Variants in MARCHF1 observed in about 807,000 individuals in gnomAD.
The protein encoded by MARCHF1 is membrane associated ring-CH-type finger 1.
A neutral mutation model predicts 54.2 loss-of-function variants in MARCHF1; 40 were observed. The ratio of observed to expected loss-of-function variants is 0.74; its 90% CI spans 0.57 to 0.96. The LOEUF is 0.96. Among genes scored for constraint, MARCHF1 ranks in the 40% least tolerant of loss-of-function variants. The probability of loss-of-function intolerance (pLI) is 0.00; values close to 1 mark genes in which losing one functional copy is unlikely to be tolerated. For missense variants in MARCHF1, 586 were observed against 656.5 expected (o/e 0.89, Z 1.17); for synonymous variants, 236 against 236.3 (o/e 1.00, Z 0.01).
At chr4:164,347,377 T>A (rs1358029541) in intron 1 of MARCHF1, among the ~76,000 whole-genome samples, 1 of 152,184 alleles carries the variant, frequency 6.6e-6, no homozygotes, top group Non-Finnish European at 1.5e-5. Context: ...AATTCTTTTC[T>A]TTGCCAGAAA....
intron 1 of MARCHF1, among the ~76,000 whole-genome samples, chr4:164,146,530 G>C (rs1000910173): frequency 4.2e-4 from 64 of 152,182 alleles, no homozygotes; most frequent in African/African-American, 8.2e-4. Flanking sequence ...ATATCTACAA[G>C]TATCTGATCT....
chr4:163,605,370 C>A (rs915146982), intron 7 of MARCHF1, among the ~76,000 whole-genome samples: 1 of 152,138 alleles, frequency 6.6e-6, no homozygotes, highest in Non-Finnish European at 1.5e-5. Context: ...CATCTCACAC[C>A]AGTTAGAATG....
At chr4:164,150,013 C>A (rs951482612) in intron 1 of MARCHF1, among the ~76,000 whole-genome samples, 1 of 152,086 alleles carries the variant, frequency 6.6e-6, no homozygotes, top group African/African-American at 2.4e-5. Context: ...CTGAGTGTTT[C>A]TATTTAGACA....
intron 5 of MARCHF1, among the ~76,000 whole-genome samples, chr4:163,651,024 A>T (rs1742944416): frequency 6.6e-6 from 1 of 151,994 alleles, no homozygotes. Flanking sequence ...AAAGCCACAC[A>T]GAAAACAGTA....
intron 1 of MARCHF1, among the ~76,000 whole-genome samples, chr4:164,130,457 C>A (rs897983893): frequency 1.3e-5 from 2 of 152,078 alleles, no homozygotes; most frequent in African/African-American, 4.8e-5. Context: ...CTAACAATTT[C>A]ATTTCATTTT....
chr4:164,081,340 G>C (rs1399003666), intron 2 of MARCHF1, among the ~76,000 whole-genome samples: 2 of 150,368 alleles, frequency 1.3e-5, no homozygotes, highest in Non-Finnish European at 3.0e-5. Context: ...TTGTTCATTG[G>C]TTCTATTTCA....
At chr4:164,241,348 C>T (rs1446963585) in intron 1 of MARCHF1, among the ~76,000 whole-genome samples, 2 of 152,202 alleles carry the variant, frequency 1.3e-5, no homozygotes, top group Admixed American at 1.3e-4. Flanking sequence ...GATAATTAAG[C>T]TCTTTCTTTG....
In MARCHF1 at chr4:164,254,803, C is replaced by T. The variant is rs1169909076; in HGVS notation, c.-323+129067G>A. Among the ~76,000 whole-genome samples the T allele has an allele frequency of 2.6e-5, 4 of 152,186 alleles. No homozygotes were observed. The East Asian group carries it at 7.7e-4, about 29-fold the overall frequency. On this transcript the variant is annotated intron_variant, in intron 1 of 9. Transcript: ENST00000514618. ...CTGCCTGCTTTATATTCGCTGGAAG[C>T]TGATTAGGTTGTGCCCACCAGATTA...
intron 5 of MARCHF1, among the ~76,000 whole-genome samples, chr4:163,647,058 G>A (rs1287418847): frequency 6.6e-6 from 1 of 152,074 alleles, no homozygotes; most frequent in African/African-American, 2.4e-5. Context: ...AAAGTGAAGG[G>A]ATGGGAAAAG....
At chr4:164,084,894 G>A (rs1338405142) in intron 2 of MARCHF1, among the ~76,000 whole-genome samples, 1 of 151,592 alleles carries the variant, frequency 6.6e-6, no homozygotes. Flanking sequence ...TGTGTAAGTG[G>A]AAAAGCTGAT....
chr4:164,103,960 A>T (rs1242126461), intron 2 of MARCHF1, among the ~76,000 whole-genome samples: 1 of 150,790 alleles, frequency 6.6e-6, no homozygotes, highest in Admixed American at 6.6e-5. Context: ...AGAAATACAA[A>T]CTACCATCAG....
intron 1 of MARCHF1, among the ~76,000 whole-genome samples, chr4:164,214,656 G>T (rs895008442): frequency 6.6e-6 from 1 of 152,180 alleles, no homozygotes; most frequent in Non-Finnish European, 1.5e-5. Flanking sequence ...TCACAAATTG[G>T]TGGATTTTTA....
intron 2 of MARCHF1, among the ~76,000 whole-genome samples, chr4:164,080,252 A>T (rs1401273641): frequency 2.0e-5 from 3 of 152,230 alleles, no homozygotes; most frequent in Non-Finnish European, 4.4e-5. Context: ...CTATGAATTG[A>T]CTACAGTCTT....
intron 4 of MARCHF1, among the ~76,000 whole-genome samples, chr4:163,823,888 GT>G (rs1253075226): frequency 2.1e-5 from 3 of 143,444 alleles, no homozygotes; most frequent in Non-Finnish European, 4.7e-5. Flanking sequence ...TTATGTTAAA[GT>G]TTCAATAATA....
intron 4 of MARCHF1, among the ~76,000 whole-genome samples, chr4:163,721,877 C>T (rs537020075): frequency 6.6e-6 from 1 of 152,190 alleles, no homozygotes; most frequent in South Asian, 2.1e-4. Context: ...GTGGTGACAT[C>T]CCTTTTATCA....
intron 2 of MARCHF1, among the ~76,000 whole-genome samples, chr4:164,081,225 A>G (rs1304070185): frequency 1.4e-5 from 2 of 146,800 alleles, no homozygotes; most frequent in East Asian, 3.9e-4. Context: ...AAAAAAAAAA[A>G]AAAAAAAAAA....
intron 1 of MARCHF1, among the ~76,000 whole-genome samples, chr4:164,306,274 A>G (rs909815262): frequency 2.0e-5 from 3 of 152,140 alleles, no homozygotes; most frequent in Non-Finnish European, 1.5e-5. Context: ...ATCAATATCA[A>G]TAGCATTTTT....
chr4:163,810,736 A>G (rs1456004274), intron 4 of MARCHF1, among the ~76,000 whole-genome samples: 1 of 152,254 alleles, frequency 6.6e-6, no homozygotes, highest in African/African-American at 2.4e-5. Context: ...TTAATGTTTT[A>G]ATAAAATGTC....
At position 163,792,514 on chromosome 4, in the gene MARCHF1, A is replaced by ATT. The variant is rs1747798736; in HGVS notation, c.111+61505_111+61506dup. On this transcript the variant is annotated intron_variant, in intron 4 of 9. Coordinates refer to ENST00000514618, the MANE Select transcript of MARCHF1 (RefSeq NM_001394959.1). ...TAATATTCTATATCTGTAAATTTGA[A>ATT]TTATATATATATAATTCTTTTATAG... 2.6e-5 allele frequency among the ~76,000 whole-genome samples: 4 copies of ATT among 152,156 alleles called. No homozygotes were observed. The South Asian group carries it at 6.2e-4, about 24-fold the overall frequency.
Sources: gnomAD v4.1 joint callset for allele counts (sites outside exome capture counted in the v4.1 genomes callset) on GRCh38, gnomAD v4.1.1 for gene constraint, MANE v1.5 for transcripts, NCBI Gene and HGNC (gene_info 2026-07-23, HGNC 2026-07-21) for gene names.